TUSC3: variants seen among roughly 807,000 people sequenced by gnomAD.
The protein encoded by TUSC3 is dolichyl-diphosphooligosaccharide--protein glycosyltransferase subunit TUSC3.
Under a neutral mutation model 44.8 loss-of-function variants are expected in TUSC3, and 45 were observed. The ratio of observed to expected loss-of-function variants is 1.00; its 90% CI spans 0.79 to 1.29. The LOEUF (loss-of-function observed/expected upper bound fraction) is 1.29, where lower values mean the gene tolerates loss of function less well. TUSC3 is among the 50% of genes most tolerant of loss of function. The pLI is 0.00. For missense variants in TUSC3, 519 were observed against 437.9 expected, an observed-to-expected ratio of 1.19 and a Z score of -1.65; for synonymous variants, 212 against 152.9, an observed-to-expected ratio of 1.39 and a Z score of -2.85.
At chr8:15,661,374 T>C (rs1371996345) in intron 4 of TUSC3, among the ~76,000 whole-genome samples, 1 of 152,036 alleles carries the variant, frequency 6.6e-6, no homozygotes, top group Non-Finnish European at 1.5e-5. Flanking sequence ...GCCTGTCTTT[T>C]CTCTTTAAAA....
At chr8:15,444,510 C>T (rs115479537) in intron 1 of TUSC3, among the ~76,000 whole-genome samples, 1 of 152,132 alleles carries the variant, frequency 6.6e-6, no homozygotes. Context: ...GGTAATGAGA[C>T]ATTACCTGGG....
chr8:15,786,201 G>A, the TUSC3 span, among the ~76,000 whole-genome samples: 1 of 152,130 alleles, frequency 6.6e-6, no homozygotes, highest in Non-Finnish European at 1.5e-5. Flanking sequence ...AGAGACCACT[G>A]CAACTTCATT....
At chr8:15,786,694 C>T in the TUSC3 span, among the ~76,000 whole-genome samples, 1 of 151,932 alleles carries the variant, frequency 6.6e-6, no homozygotes, top group Non-Finnish European at 1.5e-5. Flanking sequence ...CCTGTAATCC[C>T]AGCACTTTGG....
At chr8:15,693,006 G>T (rs939740008) in intron 6 of TUSC3, among the ~76,000 whole-genome samples, 1 of 152,132 alleles carries the variant, frequency 6.6e-6, no homozygotes, top group African/African-American at 2.4e-5. Flanking sequence ...CCATTTGCTT[G>T]GTAGATTTTC....
chr8:15,523,537 T>C (rs906505497), intron 2 of TUSC3, among the ~76,000 whole-genome samples: 8 of 151,568 alleles, frequency 5.3e-5, no homozygotes, highest in African/African-American at 1.9e-4. Context: ...TTGTGTTTTC[T>C]AATAATAGCA....
At chr8:15,480,387 T>C (rs931109413) in intron 1 of TUSC3, among the ~76,000 whole-genome samples, 8 of 152,208 alleles carry the variant, frequency 5.3e-5, no homozygotes, top group African/African-American at 1.9e-4. Flanking sequence ...ATACTTGACT[T>C]TTCCTGGTTG....
chr8:15,499,169 C>A (rs558972726), intron 2 of TUSC3, among the ~76,000 whole-genome samples: 21 of 152,238 alleles, frequency 1.4e-4, no homozygotes, highest in African/African-American at 4.3e-4. Context: ...TAATGCCAAG[C>A]CCCACTAGCC....
At chr8:15,567,409 T>A (rs913069966) in intron 1 of TUSC3, among the ~76,000 whole-genome samples, 7 of 152,164 alleles carry the variant, frequency 4.6e-5, no homozygotes, top group Non-Finnish European at 1.0e-4. Context: ...TTATATATCT[T>A]CAAATCATCC....
chr8:15,622,924 T>C (rs189224658), intron 1 of TUSC3, among the ~76,000 whole-genome samples, 156 bp from the exon 2 acceptor site: 10 of 152,280 alleles, frequency 6.6e-5, no homozygotes, highest in Admixed American at 5.9e-4. Flanking sequence ...ATATGTCCTT[T>C]CTATCTTTCT....
At chr8:15,684,214 G>A (rs569848465) in intron 6 of TUSC3, among the ~76,000 whole-genome samples, 43 of 152,140 alleles carry the variant, frequency 2.8e-4, no homozygotes, top group Non-Finnish European at 4.0e-4. Flanking sequence ...GGGGTGGGTG[G>A]GGGGCAGGCT....
intron 10 of TUSC3, among the ~76,000 whole-genome samples, chr8:15,762,330 A>T (rs1812196188): frequency 6.6e-6 from 1 of 152,098 alleles, no homozygotes; most frequent in Non-Finnish European, 1.5e-5. Context: ...CAGATTAAAT[A>T]TATATTTATC....
chr8:15,563,183 AAAATT>A (rs1320406874), intron 1 of TUSC3, among the ~76,000 whole-genome samples: 2 of 152,216 alleles, frequency 1.3e-5, no homozygotes, highest in African/African-American at 4.8e-5. Context: ...CAATGACTAT[AAAATT>A]AAAGTGATGA....
At position 15,572,177 on chromosome 8, in the gene TUSC3, C is replaced by T. The variant is rs141282652; in HGVS notation, c.138+31609C>T. Among the ~76,000 whole-genome samples the T allele has an allele frequency of 3.9e-4, 60 of 152,196 alleles. 1 individual carries two copies. The highest frequency in any genetic ancestry group is 1.3e-3 in the African/African-American group (54 of 41,522). ...GGATGTTTAGTCTACTCTGAACATC[C>T]GTTGTTTAGTATACCCGTCTCCATC... On this transcript the variant is annotated intron_variant, in intron 1 of 10. Transcript: ENST00000503731.
chr8:15,487,103 A>C (rs1218096307), intron 2 of TUSC3, among the ~76,000 whole-genome samples: 2 of 152,088 alleles, frequency 1.3e-5, no homozygotes, highest in African/African-American at 4.8e-5. Flanking sequence ...GTCATTCTTC[A>C]TTGCCTATTA....
chr8:15,735,594 G>C (rs1374060165), intron 7 of TUSC3, among the ~76,000 whole-genome samples: 1 of 152,224 alleles, frequency 6.6e-6, no homozygotes, highest in African/African-American at 2.4e-5. Flanking sequence ...CCTCTGTGGT[G>C]AATAGGCCAG....
chr8:15,750,684 T>C (rs1176009349), intron 9 of TUSC3, among the ~76,000 whole-genome samples: 9 of 152,146 alleles, frequency 5.9e-5, no homozygotes, highest in Non-Finnish European at 7.4e-5. Context: ...ATATAAATAG[T>C]AAGCACATCT....
chr8:15,774,484 A>C, the TUSC3 span, among the ~76,000 whole-genome samples: 1 of 152,156 alleles, frequency 6.6e-6, no homozygotes, highest in Admixed American at 6.5e-5. Context: ...TTGCCAGCAA[A>C]CCAATAGCTA....
At chr8:15,568,231 A>C (rs1210210039) in intron 1 of TUSC3, among the ~76,000 whole-genome samples, 1 of 152,140 alleles carries the variant, frequency 6.6e-6, no homozygotes, top group Non-Finnish European at 1.5e-5. Context: ...GATGCTAAGC[A>C]AAAAACACAA....
intron 1 of TUSC3, among the ~76,000 whole-genome samples, chr8:15,555,005 G>A (rs541687048): frequency 1.3e-5 from 2 of 151,550 alleles, no homozygotes; most frequent in East Asian, 2.0e-4. Flanking sequence ...ATTTAAGTTT[G>A]GGGTTTTGGC....
Sources: allele counts gnomAD v4.1 joint callset (sites outside exome capture counted in the v4.1 genomes callset), GRCh38; gene constraint gnomAD v4.1.1; transcripts MANE v1.5; gene names NCBI Gene and HGNC (gene_info 2026-07-23, HGNC 2026-07-21).